SNTG2: variants seen among roughly 807,000 people sequenced by gnomAD.
SNTG2 encodes gamma-2-syntrophin.
In SNTG2, 74 loss-of-function variants were observed where a neutral mutation model predicts 70.9. The ratio of observed to expected loss-of-function variants is 1.04; its 90% CI spans 0.86 to 1.27. The LOEUF (loss-of-function observed/expected upper bound fraction) is 1.27, where lower values mean the gene tolerates loss of function less well. SNTG2 is among the 50% of genes most tolerant of loss of function. The pLI, the probability that SNTG2 is intolerant of heterozygous loss-of-function variation, is 0.00. For synonymous variants in SNTG2, 278 were observed against 273.8 expected, an observed-to-expected ratio of 1.02 and a Z score of -0.15; for missense variants, 717 against 690.7, an observed-to-expected ratio of 1.04 and a Z score of -0.43.
intron 16 of SNTG2, among the ~76,000 whole-genome samples, chr2:1,360,649 AAC>A (rs75559547): frequency 5.7e-5 from 4 of 69,844 alleles, no homozygotes; most frequent in African/African-American, 9.8e-5. Context: ...AACACAAACA[AAC>A]AAAAAAAAAG....
chr2:1,317,105 T>C (rs1257119958), intron 16 of SNTG2, among the ~76,000 whole-genome samples: 1 of 90,782 alleles, frequency 1.1e-5, no homozygotes, highest in African/African-American at 4.1e-5. Flanking sequence ...CAGGCCAGCA[T>C]TGGAGAAGGT....
chr2:1,285,646 AAAG>A (rs1279141688), intron 14 of SNTG2, among the ~76,000 whole-genome samples: 3 of 152,370 alleles, frequency 2.0e-5, no homozygotes, highest in Non-Finnish European at 2.9e-5. Context: ...GTTTTTAACA[AAAG>A]AAGGAGGAAA....
At chr2:1,177,196 G>C (rs1282742759) in intron 8 of SNTG2, among the ~76,000 whole-genome samples, 1 of 152,172 alleles carries the variant, frequency 6.6e-6, no homozygotes, top group African/African-American at 2.4e-5. Flanking sequence ...GGATGAAGCT[G>C]GAAGCCATTA....
intron 12 of SNTG2, chr2:1,256,258 G>C (rs1678115076): frequency 6.6e-6 from 1 of 152,068 alleles, no homozygotes; most frequent in Non-Finnish European, 1.5e-5. Flanking sequence ...GGTCTGTGCA[G>C]TTCATTGTTA....
At chr2:1,291,741 A>G (rs1185300420) in intron 14 of SNTG2, among the ~76,000 whole-genome samples, 1 of 152,186 alleles carries the variant, frequency 6.6e-6, no homozygotes. Context: ...GTTTTGATTA[A>G]TGTAGCTTTG....
At chr2:1,232,308 T>C (rs933706298) in intron 9 of SNTG2, among the ~76,000 whole-genome samples, 2 of 151,022 alleles carry the variant, frequency 1.3e-5, no homozygotes, top group African/African-American at 4.9e-5. Context: ...AAAAATGACT[T>C]TTTTTTTTCC....
chr2:992,829 A>G (rs1661546709), intron 1 of SNTG2, among the ~76,000 whole-genome samples: 1 of 152,144 alleles, frequency 6.6e-6, no homozygotes, highest in Non-Finnish European at 1.5e-5. Context: ...CATACTATTC[A>G]CCAAAAGTCT....
intron 16 of SNTG2, among the ~76,000 whole-genome samples, chr2:1,328,844 TACAC>T (rs1049546199): frequency 5.5e-4 from 83 of 151,266 alleles, no homozygotes; most frequent in Middle Eastern, 3.4e-3. Flanking sequence ...CACATACACA[TACAC>T]ACACAGATGC....
At chr2:1,058,322 T>G (rs942768923) in intron 1 of SNTG2, among the ~76,000 whole-genome samples, 1 of 152,080 alleles carries the variant, frequency 6.6e-6, no homozygotes, top group Non-Finnish European at 1.5e-5. Context: ...ACAGGCAGAG[T>G]AGGCATTGGA....
At chr2:1,364,590 C>T (rs1215230091) in intron 16 of SNTG2, among the ~76,000 whole-genome samples, 1 of 87,794 alleles carries the variant, frequency 1.1e-5, no homozygotes, top group African/African-American at 3.6e-5. Flanking sequence ...CCTGTCTCCA[C>T]TAAAAATACA....
rs57334782 is a variant in SNTG2, at chr2:1,197,525, G to GTATATATATA, written c.592-11577_592-11576insATATATATAT. On this transcript the variant is annotated intron_variant, in intron 8 of 16. Transcript: ENST00000308624. ...TGTGTATGTATATATATGTGTGTGT[G>GTATATATATA]TGTGTGTGTGTGTGTGTGTGTGTGT... 3.9e-4 allele frequency among the ~76,000 whole-genome samples: 38 copies of GTATATATATA among 96,816 alleles called. 5 individuals carry two copies. Among genetic ancestry groups the GTATATATATA allele is most frequent in the African/African-American group, 1.2e-3 (32 of 27,818 alleles). The allele number at this position is 96,816 out of a possible 152,430, so 63.5% of individuals were successfully genotyped here.
In SNTG2 at chr2:1,247,326, G is replaced by T. The variant is rs774503752; in HGVS notation, c.889-1G>T. The T allele has an allele frequency of 6.6e-7, 1 of 1,518,048 alleles. No homozygotes were observed. The highest frequency in any genetic ancestry group is 1.7e-5 in the Admixed American group (1 of 57,756). 94.0% of individuals were successfully genotyped at this position (1,518,048 alleles called of 1,614,324 possible). A position where few individuals can be genotyped will look rare whatever the true frequency, so the allele number is the denominator to read the frequency against. On this transcript the variant is annotated splice_acceptor_variant, in intron 11 of 16. Transcript: ENST00000308624. LOFTEE classifies it high-confidence loss of function. ...GGTTTGTAATTTTCACCCCTCTGCA[G>T]GTTGTGCATATGGGGTGGGTAAATG... is the stretch of plus-strand genomic sequence containing the variant.
intron 8 of SNTG2, among the ~76,000 whole-genome samples, chr2:1,199,733 C>A (rs1228367351): frequency 1.3e-5 from 2 of 151,720 alleles, no homozygotes; most frequent in African/African-American, 2.4e-5. Flanking sequence ...AATAACAAAC[C>A]AGCTGAAAAA....
intron 1 of SNTG2, among the ~76,000 whole-genome samples, chr2:1,005,843 AT>A (rs1659551450): frequency 1.9e-4 from 4 of 20,738 alleles, no homozygotes; most frequent in South Asian, 3.8e-3. Context: ...ATATATATAT[AT>A]ATATATATAT....
At chr2:1,232,967 C>T (rs1184656322) in intron 9 of SNTG2, among the ~76,000 whole-genome samples, 1 of 152,242 alleles carries the variant, frequency 6.6e-6, no homozygotes, top group Non-Finnish European at 1.5e-5. Context: ...CACACCTTTC[C>T]TCTCTGTTAC....
At chr2:1,141,757 G>C (rs1668764182) in intron 6 of SNTG2, among the ~76,000 whole-genome samples, 1 of 148,934 alleles carries the variant, frequency 6.7e-6, no homozygotes, top group African/African-American at 2.5e-5. Flanking sequence ...GGTTCCACCA[G>C]TAGGACACAT....
chr2:1,099,351 T>A (rs1665611395), intron 4 of SNTG2, among the ~76,000 whole-genome samples: 1 of 152,208 alleles, frequency 6.6e-6, no homozygotes, highest in Admixed American at 6.5e-5. Context: ...GCACAGCCAC[T>A]GCAGGGGACC....
Position 1,098,263 on chromosome 2 carries a change from G to T in SNTG2, c.267+11G>T. On this transcript the variant is annotated intron_variant, in intron 3 of 16. Transcript: ENST00000308624. The stretch of plus-strand genomic sequence containing the variant: ...GGCCTGAGTATAAAGGTATGGAAAT[G>T]GTTTTCTCTATTCCTGCTTTTTATT... 1 of 1,613,952 alleles carries T rather than the reference G, an allele frequency of 6.2e-7. No individual in the cohort carries two copies. Among genetic ancestry groups the T allele is most frequent in the East Asian group, 2.2e-5 (1 of 44,876 alleles).
intron 1 of SNTG2, among the ~76,000 whole-genome samples, chr2:1,072,125 G>A (rs1458837787): frequency 6.6e-6 from 1 of 152,130 alleles, no homozygotes; most frequent in Non-Finnish European, 1.5e-5. Context: ...ATTGATGAGG[G>A]TGGCTACACT....
Sources: allele counts gnomAD v4.1 joint callset (sites outside exome capture counted in the v4.1 genomes callset), GRCh38; gene constraint gnomAD v4.1.1; transcripts MANE v1.5; gene names NCBI Gene and HGNC (gene_info 2026-07-23, HGNC 2026-07-21).